Variants in TEX38 observed in about 807,000 individuals in gnomAD.
The protein encoded by TEX38 is testis expressed 38.
TEX38 carries 5 observed loss-of-function variants against 2.7 expected under a neutral mutation model. The observed-to-expected ratio is 1.86, with a 90% CI of 0.97 to 3.90. The LOEUF (loss-of-function observed/expected upper bound fraction) is 3.90. Among genes scored for constraint, TEX38 ranks in the 30% most tolerant of loss-of-function variants. The probability of loss-of-function intolerance (pLI) is 0.00; values close to 1 mark genes in which losing one functional copy is unlikely to be tolerated. For synonymous variants in TEX38, 110 were observed against 103.3 expected (o/e 1.06, Z -0.39); for missense variants, 218 against 247.9 (o/e 0.88, Z 0.81).
At chr1:46,670,884 G>T (rs1416604885), upstream of TEX38, among the ~76,000 whole-genome samples, 4 of 152,152 alleles carry the variant, frequency 2.6e-5, no homozygotes, top group African/African-American at 9.7e-5. Flanking sequence ...TTAGGGAAGG[G>T]CTTTCTAACT....
At position 46,673,037 on chromosome 1, in the gene TEX38, T is replaced by C; in HGVS notation, c.202T>C (p.Trp68Arg). Residue 68 changes from tryptophan to arginine, a missense_variant, in exon 2 of 2, where the codon TGG (tryptophan) becomes CGG (arginine). Coordinates refer to ENST00000334122, the MANE Select transcript of TEX38 (RefSeq NM_001145474.4). ...ATFTYSPLLYWINKRRRYGMN... is the reference protein window; with the variant it reads ...ATFTYSPLLYRINKRRRYGMN... ...ATTCACCTACAGCCCATTGTTGTAC[T>C]GGATTAACAAGCGACGGCGCTACGG... The C allele has an allele frequency of 6.4e-7, 1 of 1,551,678 alleles. No individual in the cohort carries two copies. Among genetic ancestry groups the C allele is most frequent in the Non-Finnish European group, 8.7e-7 (1 of 1,146,956 alleles).
upstream of TEX38, among the ~76,000 whole-genome samples, chr1:46,669,887 G>T (rs1390770002): frequency 6.6e-6 from 1 of 152,202 alleles, no homozygotes; most frequent in Non-Finnish European, 1.5e-5. Context: ...TAGTTAGATT[G>T]CTTAGGCCTT....
At chr1:46,668,901 T>C (rs772089287), upstream of TEX38, 2 of 157,302 alleles carry the variant, frequency 1.3e-5, no homozygotes, top group Non-Finnish European at 2.8e-5. The surrounding 1 kb of genome is among the most constrained non-coding windows in gnomAD (Gnocchi z 4.4). Context: ...ACAGCTGAGC[T>C]CTTTTCAAGA....
chr1:46,671,199 G>C (rs1170931102), upstream of TEX38, among the ~76,000 whole-genome samples: 3 of 152,180 alleles, frequency 2.0e-5, no homozygotes, highest in Non-Finnish European at 4.4e-5. Context: ...GGGTGAAGGA[G>C]CAGCATGGGC....
At position 46,673,143 on chromosome 1, in the gene TEX38, G is replaced by A; in HGVS notation, c.308G>A (p.Trp103Ter). 4 of 1,551,680 alleles carry A rather than the reference G, an allele frequency of 2.6e-6. No homozygotes were observed. The highest frequency in any genetic ancestry group is 3.5e-6 in the Non-Finnish European group (4 of 1,146,960). ...GAGGTCCAGAATCCAGATGTTCTGTGGGATTTGGACATCCCCGAAGGCAGG... is the reference window on the plus strand; with the variant it reads ...GAGGTCCAGAATCCAGATGTTCTGTAGGATTTGGACATCCCCGAAGGCAGG... ...ETEVQNPDVL[W>*]DLDIPEGRSH... Residue 103 changes from tryptophan (W) to a stop codon, truncating the protein, a stop_gained, in exon 2 of 2, where the codon TGG becomes TAG. Coordinates refer to ENST00000334122, the MANE Select transcript of TEX38 (RefSeq NM_001145474.4). LOFTEE classifies it low-confidence loss of function (END_TRUNC).
intron 1 of TEX38, 150 bp from the exon 2 acceptor site, chr1:46,672,723 A>C (rs558793510): frequency 1.5e-4 from 110 of 712,048 alleles, no homozygotes; most frequent in Non-Finnish European, 2.3e-4. Context: ...ATGATGAGGC[A>C]AGTCAATAAG....
rs1417521175 is a variant in TEX38 at position 46,673,174 on chromosome 1, T to C, written c.339T>C (p.His113=). 3 of 1,551,616 alleles carry C rather than the reference T, an allele frequency of 1.9e-6. No individual in the cohort carries two copies. Among genetic ancestry groups the C allele is most frequent in the South Asian group, 1.2e-5 (1 of 84,042 alleles). Residue 113 remains histidine (H), a synonymous_variant, in exon 2 of 2, where the codon CAT becomes CAC. Coordinates refer to ENST00000334122, the MANE Select transcript of TEX38 (RefSeq NM_001145474.4). ...TGGACATCCCCGAAGGCAGGAGCCA[T>C]GCTGACCAAGACAGCAACCCCAAGG... ...WDLDIPEGRS[H]ADQDSNPKAE...
At position 46,673,504 on chromosome 1, in the gene TEX38, G is replaced by A; in HGVS notation, c.*48G>A. ...GCTGCAGGAATCAGGTGCAGAGTAG[G>A]AAATGGAACTAACCTCAGGAAGGTG... is the stretch of plus-strand genomic sequence containing the variant. On this transcript the variant is annotated 3_prime_UTR_variant, in exon 2 of 2. Coordinates refer to ENST00000334122, the MANE Select transcript of TEX38 (RefSeq NM_001145474.4). 6.8e-7 allele frequency: 1 copy of A among 1,462,056 alleles called. No individual in the cohort carries two copies. Among genetic ancestry groups the A allele is most frequent in the South Asian group, 1.3e-5 (1 of 75,258 alleles). 90.6% of individuals were successfully genotyped at this position (1,462,056 alleles called of 1,614,324 possible).
At chr1:46,670,551 G>C (rs12118483), upstream of TEX38, among the ~76,000 whole-genome samples, 57,996 of 152,088 alleles carry the variant, frequency 0.38, 12,653 homozygotes, top group Non-Finnish European at 0.5. Flanking sequence ...CGTACTGTCA[G>C]TGTATAGTGA....
rs1332240597 is a variant in TEX38 at position 46,673,365 on chromosome 1, G to A, written c.530G>A (p.Cys177Tyr). Reference sequence around the variant, plus strand: ...TCTGTCTCCTATCCTTTGGCCACCTGTCCTGAAAGGAATGTTCTCTTCCAT... The same window carrying A: ...TCTGTCTCCTATCCTTTGGCCACCTATCCTGAAAGGAATGTTCTCTTCCAT... ...NHSVSYPLAT[C>Y]PERNVLFHSL... The change falls in exon 2 of 2, where the codon TGT (cysteine) becomes TAT (tyrosine). Residue 177 changes from cysteine to tyrosine, a missense_variant. Physicochemically the swap from Cys to Tyr is radical, Grantham distance 194 (BLOSUM62 -2). Transcript: ENST00000334122. 2 of 1,551,832 alleles carry A rather than the reference G, an allele frequency of 1.3e-6. No homozygotes were observed. The highest frequency in any genetic ancestry group is 1.7e-6 in the Non-Finnish European group (2 of 1,147,036).
chr1:46,673,043 A>AACAAGCGACGGCGCT lies in TEX38; in HGVS notation c.211_225dup (p.Lys71_Tyr75dup). The AACAAGCGACGGCGCT allele has an allele frequency of 6.4e-7, 1 of 1,551,724 alleles. No homozygotes were observed. Among genetic ancestry groups the AACAAGCGACGGCGCT allele is most frequent in the South Asian group, 1.2e-5 (1 of 84,062 alleles). On this transcript the variant is annotated inframe_insertion, in exon 2 of 2. Transcript: ENST00000334122. ...CTACAGCCCATTGTTGTACTGGATT[A>AACAAGCGACGGCGCT]ACAAGCGACGGCGCTACGGCATGAA...
At chr1:46,672,212 G>C (rs1676594567) in intron 1 of TEX38, among the ~76,000 whole-genome samples, 1 of 151,942 alleles carries the variant, frequency 6.6e-6, no homozygotes, top group African/African-American at 2.4e-5. Flanking sequence ...AATGGGATGG[G>C]ACATTGGTGT....
intron 1 of TEX38, among the ~76,000 whole-genome samples, chr1:46,672,307 C>T (rs1189814726): frequency 1.3e-5 from 2 of 150,488 alleles, no homozygotes; most frequent in African/African-American, 4.9e-5. Context: ...TGCAGTGGCT[C>T]AATCTAGGCT....
chr1:46,672,310 T>C (rs1370085057), intron 1 of TEX38, among the ~76,000 whole-genome samples: 1 of 151,470 alleles, frequency 6.6e-6, no homozygotes, highest in Non-Finnish European at 1.5e-5. Flanking sequence ...AGTGGCTCAA[T>C]CTAGGCTCAC....
At position 46,673,069 on chromosome 1, in the gene TEX38, T is replaced by C. The variant is rs1676617739; in HGVS notation, c.234T>C (p.Asn78=). 2 of 1,551,756 alleles carry C rather than the reference T, an allele frequency of 1.3e-6. No individual in the cohort carries two copies. The highest frequency in any genetic ancestry group is 2.7e-5 in the African/African-American group (2 of 73,182). The part of the protein sequence containing the change: ...WINKRRRYGM[N]AAINTGPAPA... ...ACAAGCGACGGCGCTACGGCATGAA[T>C]GCAGCCATCAACACGGGCCCTGCCC... The change falls in exon 2 of 2, where the codon AAT becomes AAC. Residue 78 remains asparagine (N), a synonymous_variant. Transcript: ENST00000334122.
upstream of TEX38, chr1:46,671,845 T>TGGCTGGGCAGATG: frequency 7.4e-7 from 1 of 1,348,454 alleles, no homozygotes; most frequent in Non-Finnish European, 1.0e-6. Flanking sequence ...AGACTCTGAT[T>TGGCTGGGCAGATG]GGCTGGGCAG....
chr1:46,671,495 C>G (rs557787242), upstream of TEX38, among the ~76,000 whole-genome samples: 1 of 152,222 alleles, frequency 6.6e-6, no homozygotes, highest in Non-Finnish European at 1.5e-5. Flanking sequence ...GAGAACAGGG[C>G]TGCCCAATGC....
chr1:46,669,810 A>G (rs1300474593), upstream of TEX38, among the ~76,000 whole-genome samples: 1 of 152,118 alleles, frequency 6.6e-6, no homozygotes, highest in Admixed American at 6.5e-5. Context: ...CCTGATGAGG[A>G]GGTTATTGAG....
chr1:46,673,541 G>A lies in TEX38; in HGVS notation c.*85G>A, dbSNP rs1435244767. ...ACCTCAGGAAGGTGGTATTGACAGAGGTCAGGACCCACCTGGATGTCATGC... is the reference window on the plus strand; with the variant it reads ...ACCTCAGGAAGGTGGTATTGACAGAAGTCAGGACCCACCTGGATGTCATGC... On this transcript the variant is annotated 3_prime_UTR_variant, in exon 2 of 2. Transcript: ENST00000334122. The A allele has an allele frequency of 8.6e-6, 10 of 1,156,758 alleles. No individual in the cohort carries two copies. The highest frequency in any genetic ancestry group is 2.9e-5 in the Admixed American group (1 of 34,874). The allele number at this position is 1,156,758 out of a possible 1,614,324, so 71.7% of individuals were successfully genotyped here.
Sources: gnomAD v4.1 joint callset for allele counts (sites outside exome capture counted in the v4.1 genomes callset) on GRCh38, gnomAD v4.1.1 for gene constraint, Gnocchi (gnomAD v3.1) non-coding constraint, MANE v1.5 for transcripts, NCBI Gene and HGNC (gene_info 2026-07-23, HGNC 2026-07-21) for gene names.